Variants in TSBP1 observed in about 807,000 individuals in gnomAD.
TSBP1 encodes testis-expressed basic protein 1.
TSBP1 carries 56 observed loss-of-function variants against 68.8 expected under a neutral mutation model. The observed-to-expected ratio is 0.81, with a 90% CI of 0.66 to 1.02. The LOEUF is 1.02. Among genes scored for constraint, TSBP1 ranks in the 50% least tolerant of loss-of-function variants. TSBP1 has a pLI of 0.00. For missense variants in TSBP1, 502 were observed against 641.2 expected, an observed-to-expected ratio of 0.78 and a Z score of 2.34; for synonymous variants, 171 against 208.7, an observed-to-expected ratio of 0.82 and a Z score of 1.56.
chr6:32,329,243 G>C (rs1768638843), intron 16 of TSBP1, among the ~76,000 whole-genome samples: 1 of 152,054 alleles, frequency 6.6e-6, no homozygotes, highest in Non-Finnish European at 1.5e-5. Flanking sequence ...TCAAGCAGGG[G>C]AGAAAAGGGA....
chr6:32,319,802 T>C (rs1400620666), intron 18 of TSBP1, among the ~76,000 whole-genome samples: 1 of 151,986 alleles, frequency 6.6e-6, no homozygotes, highest in Non-Finnish European at 1.5e-5. Flanking sequence ...ACTCCTTAAG[T>C]GCAAGGACTT....
intron 18 of TSBP1, chr6:32,320,184 TG>T (rs1206720096): frequency 2.2e-6 from 1 of 456,642 alleles, no homozygotes; most frequent in African/African-American, 2.0e-5. Flanking sequence ...GCTCTCTTCT[TG>T]GTGGCTATTG....
intron 10 of TSBP1, 99 bp from the exon 12 acceptor site, chr6:32,339,098 A>C: frequency 1.0e-6 from 1 of 980,674 alleles, no homozygotes; most frequent in South Asian, 1.3e-5. Context: ...TATTTGATTT[A>C]CATGGAAAGG....
chr6:32,369,752 T>G, intron 2 of TSBP1, 145 bp downstream of exon 2: 1 of 762,056 alleles, frequency 1.3e-6, no homozygotes, highest in Non-Finnish European at 2.4e-6. Context: ...TCAGAGATTC[T>G]TTGACTCAAG....
chr6:32,308,612 AAAAATT>A (rs1162652821), intron 19 of TSBP1, among the ~76,000 whole-genome samples: 2,949 of 101,280 alleles, frequency 0.029, 52 homozygotes, highest in South Asian at 0.067. Flanking sequence ...AAAAAAAAAA[AAAAATT>A]TTGCTTTTTA....
At chr6:32,345,635 T>C (rs2127620640) in intron 9 of TSBP1, among the ~76,000 whole-genome samples, 1 of 152,310 alleles carries the variant, frequency 6.6e-6, no homozygotes, top group Non-Finnish European at 1.5e-5. Context: ...TGGAGCATAA[T>C]GCTCAACACA....
At chr6:32,356,798 A>C (rs1262399362) in intron 6 of TSBP1, 1 of 154,400 alleles carries the variant, frequency 6.5e-6, no homozygotes, top group South Asian at 2.0e-4. Flanking sequence ...GAAATGCCGA[A>C]CATTTTAATA....
intron 1 of TSBP1, 105 bp from the exon 2 acceptor site, chr6:32,370,088 T>C (rs1554213712): frequency 5.4e-6 from 4 of 736,788 alleles, no homozygotes; most frequent in Non-Finnish European, 9.7e-6. Flanking sequence ...TTTTTTTCTT[T>C]CCCCTTTCTG....
At chr6:32,332,375 T>C (rs1076712) in intron 14 of TSBP1, among the ~76,000 whole-genome samples, 64,036 of 152,016 alleles carry the variant, frequency 0.42, 14,383 homozygotes, top group African/African-American at 0.54. Flanking sequence ...AAACACTTCC[T>C]GTCAGTAAGA....
In TSBP1 at chr6:32,292,932, T is replaced by C; in HGVS notation, c.*49A>G. 9.0e-7 allele frequency: 1 copy of C among 1,114,338 alleles called. No individual in the cohort carries two copies. The allele number at this position is 1,114,338 out of a possible 1,614,324, so 69.0% of individuals were successfully genotyped here. On this transcript the variant is annotated 3_prime_UTR_variant, in exon 23 of 23. Transcript: ENST00000612031. This position sits in a 1 kb window ranked among gnomAD's most constrained non-coding sequence, Gnocchi z 4.1. ...TGGGATATGGTTTGTATCTGGAGTA[T>C]GGGAATCATAATAATCACTTGTCTT... is the stretch of plus-strand genomic sequence containing the variant.
At chr6:32,334,171 C>A (rs1478359004) in intron 14 of TSBP1, among the ~76,000 whole-genome samples, 2 of 151,670 alleles carry the variant, frequency 1.3e-5, no homozygotes, top group African/African-American at 4.8e-5. Context: ...TATTTTTATT[C>A]TCTTTCTCAA....
rs759183776 is a variant in TSBP1, at chr6:32,335,903, C to G, written c.451+9G>C. 1.2e-6 allele frequency: 2 copies of G among 1,605,866 alleles called. No homozygotes were observed. Among genetic ancestry groups the G allele is most frequent in the South Asian group, 2.2e-5 (2 of 90,902 alleles). ...ATGCTCACTGTGGAGAATCAGAGAG[C>G]AAACTTACTGATAGGTCCTGTAGCT... On this transcript the variant is annotated intron_variant, in intron 13 of 22. Transcript: ENST00000612031. The surrounding 1 kb of genome is among the most constrained non-coding windows in gnomAD (Gnocchi z 5.5).
At position 32,340,046 on chromosome 6, in the gene TSBP1, T is replaced by A. The variant is rs1770161386; in HGVS notation, c.350-408A>T. Among the ~76,000 whole-genome samples, 1 of 152,240 alleles carries A rather than the reference T, an allele frequency of 6.6e-6. No homozygotes were observed. The highest frequency in any genetic ancestry group is 6.5e-5 in the Admixed American group (1 of 15,284). On this transcript the variant is annotated intron_variant, in intron 9 of 22. Coordinates refer to ENST00000612031, the Ensembl canonical transcript of TSBP1. This position sits in a 1 kb window ranked among gnomAD's most constrained non-coding sequence, Gnocchi z 4.8. ...CTTTTTTCTGCTTTAATTTTTCCTC[T>A]TATTTCTGACTGTCCTTTGGAAAGT...
chr6:32,358,428 A>G (rs1772586173), intron 6 of TSBP1, among the ~76,000 whole-genome samples: 1 of 152,156 alleles, frequency 6.6e-6, no homozygotes, highest in Non-Finnish European at 1.5e-5. Flanking sequence ...TTTTATTATT[A>G]TTATACTTTA....
rs1040046411 is a variant in TSBP1 at position 32,355,683 on chromosome 6, C to A, written c.218-14G>T. 6.3e-7 allele frequency: 1 copy of A among 1,582,366 alleles called. No individual in the cohort carries two copies. The highest frequency in any genetic ancestry group is 8.6e-7 in the Non-Finnish European group (1 of 1,167,356). ...TTTTGGATCTCTCTGAAAACATAAA[C>A]AAAAGAAAGAAAAATCAATTTGGAT... On this transcript the variant is annotated splice_polypyrimidine_tract_variant and intron_variant, in intron 6 of 22. Transcript: ENST00000612031.
In TSBP1 at chr6:32,316,045, C is replaced by T. The variant is rs1271243834; in HGVS notation, c.560-253G>A. On this transcript the variant is annotated intron_variant, in intron 18 of 22. Transcript: ENST00000612031. This position sits in a 1 kb window ranked among gnomAD's most constrained non-coding sequence, Gnocchi z 4.5. The stretch of plus-strand genomic sequence containing the variant: ...GGCCCTCTTCATTTACTGGACCCAA[C>T]AGCTTTGGGTATAGTCTCGGGTAGA... Among the ~76,000 whole-genome samples the T allele has an allele frequency of 2.6e-5, 4 of 152,188 alleles. No individual in the cohort carries two copies. Among genetic ancestry groups the T allele is most frequent in the Non-Finnish European group, 5.9e-5 (4 of 68,026 alleles).
chr6:32,370,443 A>ATATG (rs1774275951), intron 1 of TSBP1, among the ~76,000 whole-genome samples: 1 of 138,462 alleles, frequency 7.2e-6, no homozygotes, highest in Non-Finnish European at 1.6e-5. Flanking sequence ...ATATATATAT[A>ATATG]TGGCTATAAA....
At chr6:32,294,179 G>T in intron 22 of TSBP1, 144 bp from the exon 26 acceptor site, 1 of 847,892 alleles carries the variant, frequency 1.2e-6, no homozygotes, top group African/African-American at 1.7e-5. Flanking sequence ...TAAAATGATG[G>T]TTCTCTGTAC....
chr6:32,329,806 G>A (rs1221263795), intron 16 of TSBP1, among the ~76,000 whole-genome samples: 2 of 152,058 alleles, frequency 1.3e-5, no homozygotes, highest in African/African-American at 4.8e-5. Flanking sequence ...ACTTTCTAAT[G>A]CTATCCCTTA....
Sources: allele counts gnomAD v4.1 joint callset (sites outside exome capture counted in the v4.1 genomes callset), GRCh38; gene constraint gnomAD v4.1.1; non-coding constraint Gnocchi (gnomAD v3.1); transcripts MANE v1.5; gene names NCBI Gene and HGNC (gene_info 2026-07-23, HGNC 2026-07-21).